ARHGAP15: variants seen among roughly 807,000 people sequenced by gnomAD.
ARHGAP15 encodes the protein Rho GTPase activating protein 15.
In ARHGAP15, 51 loss-of-function variants were observed where a neutral mutation model predicts 63.7. The ratio of observed to expected loss-of-function variants is 0.80; its 90% CI spans 0.64 to 1.01. The LOEUF is 1.01. Ranked by LOEUF, ARHGAP15 falls within the 50% of genes least tolerant of loss-of-function variation. The probability of loss-of-function intolerance (pLI) is 0.00; values close to 1 mark genes in which losing one functional copy is unlikely to be tolerated. For synonymous variants in ARHGAP15, 191 were observed against 193.8 expected (o/e 0.99, Z 0.12); for missense variants, 560 against 564.6 (o/e 0.99, Z 0.08).
At chr2:143,252,170 T>C (rs1469897770) in intron 6 of ARHGAP15, among the ~76,000 whole-genome samples, 1 of 152,086 alleles carries the variant, frequency 6.6e-6, no homozygotes, top group African/African-American at 2.4e-5. Flanking sequence ...GTTAATCTTA[T>C]GAAGAGTTAA....
chr2:143,629,675 A>C (rs1187779349), intron 12 of ARHGAP15, among the ~76,000 whole-genome samples: 1 of 152,158 alleles, frequency 6.6e-6, no homozygotes, highest in Non-Finnish European at 1.5e-5. Flanking sequence ...GCATTTTTCC[A>C]AAGTTCCTGA....
intron 12 of ARHGAP15, among the ~76,000 whole-genome samples, chr2:143,662,422 C>T (rs1681869565): frequency 6.9e-6 from 1 of 144,306 alleles, no homozygotes; most frequent in African/African-American, 2.5e-5. Flanking sequence ...CTGTACATCA[C>T]CATCATCAAA....
At chr2:143,499,366 C>A (rs1692955776) in intron 9 of ARHGAP15, among the ~76,000 whole-genome samples, 1 of 152,120 alleles carries the variant, frequency 6.6e-6, no homozygotes. Flanking sequence ...GCGGGAGTTT[C>A]ATTGGTTTTA....
At chr2:143,157,374 G>C (rs909603131) in intron 2 of ARHGAP15, among the ~76,000 whole-genome samples, 6 of 151,586 alleles carry the variant, frequency 4.0e-5, no homozygotes, top group Non-Finnish European at 8.8e-5. Flanking sequence ...TTTCACTTTT[G>C]GGCAGGATTT....
chr2:143,206,994 C>A (rs1194175946), intron 3 of ARHGAP15, among the ~76,000 whole-genome samples: 1 of 151,098 alleles, frequency 6.6e-6, no homozygotes, highest in Non-Finnish European at 1.5e-5. Flanking sequence ...AAAGGTGCCC[C>A]AAAGTTTTTT....
chr2:143,677,794 T>G (rs1364268913), intron 12 of ARHGAP15, among the ~76,000 whole-genome samples: 1 of 152,194 alleles, frequency 6.6e-6, no homozygotes, highest in Non-Finnish European at 1.5e-5. Flanking sequence ...ATACATAATA[T>G]GTAGTACCTG....
chr2:143,550,271 A>G (rs1298789544), intron 10 of ARHGAP15, among the ~76,000 whole-genome samples: 1 of 152,232 alleles, frequency 6.6e-6, no homozygotes, highest in East Asian at 1.9e-4. Flanking sequence ...TAGAAAAGTA[A>G]AAGATTATGA....
chr2:143,584,032 T>G (rs1018084952), intron 11 of ARHGAP15, among the ~76,000 whole-genome samples: 2 of 152,180 alleles, frequency 1.3e-5, no homozygotes, highest in African/African-American at 4.8e-5. Flanking sequence ...AGATTTAATA[T>G]ATACCGAATG....
intron 6 of ARHGAP15, among the ~76,000 whole-genome samples, chr2:143,357,794 C>T (rs1281414444): frequency 2.0e-5 from 3 of 151,866 alleles, no homozygotes; most frequent in Non-Finnish European, 2.9e-5. Flanking sequence ...ATTAAAAAGT[C>T]GAATCAGAAA....
intron 11 of ARHGAP15, among the ~76,000 whole-genome samples, chr2:143,588,862 A>G (rs1697210997): frequency 1.3e-5 from 2 of 152,040 alleles, no homozygotes; most frequent in South Asian, 4.1e-4. Flanking sequence ...CAAGTTTTCT[A>G]TACTCTTTAA....
intron 11 of ARHGAP15, among the ~76,000 whole-genome samples, chr2:143,602,567 A>G (rs1467783448): frequency 1.3e-5 from 2 of 152,070 alleles, no homozygotes; most frequent in Non-Finnish European, 2.9e-5. Flanking sequence ...GTGAACTGGG[A>G]AGAGTAGAGA....
intron 11 of ARHGAP15, among the ~76,000 whole-genome samples, chr2:143,583,188 T>A (rs1696980007): frequency 6.6e-6 from 1 of 152,198 alleles, no homozygotes; most frequent in Non-Finnish European, 1.5e-5. Context: ...CAGATCCACA[T>A]AGGAACATGT....
At chr2:143,363,309 G>A (rs1307322484) in intron 6 of ARHGAP15, among the ~76,000 whole-genome samples, 1 of 152,176 alleles carries the variant, frequency 6.6e-6, no homozygotes, top group East Asian at 1.9e-4. Flanking sequence ...TGGAGGCCAA[G>A]GAGGAGGATC....
At chr2:143,663,882 C>G (rs1681986838) in intron 12 of ARHGAP15, among the ~76,000 whole-genome samples, 1 of 152,156 alleles carries the variant, frequency 6.6e-6, no homozygotes, top group South Asian at 2.1e-4. Flanking sequence ...TATATATGCA[C>G]CCAATACAGG....
chr2:143,613,125 G>T (rs1246425736), intron 11 of ARHGAP15, among the ~76,000 whole-genome samples: 1 of 151,660 alleles, frequency 6.6e-6, no homozygotes, highest in Non-Finnish European at 1.5e-5. Flanking sequence ...TTAATTAAAT[G>T]GAGATCAAAG....
intron 6 of ARHGAP15, among the ~76,000 whole-genome samples, chr2:143,399,312 C>T (rs1304302425): frequency 6.6e-6 from 1 of 150,852 alleles, no homozygotes; most frequent in Non-Finnish European, 1.5e-5. Flanking sequence ...AAGAGGGGTA[C>T]AAGCTGTAAG....
intron 8 of ARHGAP15, among the ~76,000 whole-genome samples, chr2:143,486,610 A>G (rs1190290780): frequency 6.6e-6 from 1 of 152,094 alleles, no homozygotes; most frequent in Non-Finnish European, 1.5e-5. Context: ...GGATGTGTTT[A>G]GACCATGCTT....
chr2:143,545,745 T>TG (rs1489032040), intron 10 of ARHGAP15, among the ~76,000 whole-genome samples: 1 of 151,972 alleles, frequency 6.6e-6, no homozygotes. Flanking sequence ...ACATCACAAT[T>TG]GGGATTTTTT....
chr2:143,452,412 G>A (rs1438251856), intron 8 of ARHGAP15, among the ~76,000 whole-genome samples: 3 of 151,848 alleles, frequency 2.0e-5, no homozygotes, highest in African/African-American at 4.8e-5. Context: ...TTTAAATTAT[G>A]GCCCTCCAAC....
Sources: allele counts gnomAD v4.1 joint callset (sites outside exome capture counted in the v4.1 genomes callset), GRCh38; gene constraint gnomAD v4.1.1; transcripts MANE v1.5; gene names NCBI Gene and HGNC (gene_info 2026-07-23, HGNC 2026-07-21).